The following FAM120AOS variants were observed in gnomAD, a reference collection of about 807,000 sequenced individuals.
The protein encoded by FAM120AOS is uncharacterized protein FAM120AOS.
In FAM120AOS, 15 loss-of-function variants were observed where a neutral mutation model predicts 20.2. The ratio of observed to expected loss-of-function variants is 0.74; its 90% CI spans 0.50 to 1.15. The LOEUF is 1.15. FAM120AOS is among the 50% of genes most tolerant of loss of function. The pLI is 0.00. For synonymous variants in FAM120AOS, 154 were observed against 154.0 expected (o/e 1.00, Z 0.00); for missense variants, 327 against 351.9 (o/e 0.93, Z 0.57).
Position 93,452,701 on chromosome 9 carries a change from T to A in FAM120AOS, c.9A>T (p.Lys3Asn). MG[K>N]TKDIGDDDTV... ...TGTCATCATCCCCAATATCCTTAGT[T>A]TTTCCCATCCTATTTGAGGCGGGCA... is the stretch of plus-strand genomic sequence containing the variant. Residue 3 changes from lysine to asparagine, a missense_variant, in exon 1 of 3, where the codon AAA (lysine) becomes AAT (asparagine). Around this residue, in one of 3 missense-constraint regions of FAM120AOS, gnomAD observed 155 missense variants for 128.8 expected, o/e 1.20. Transcript: ENST00000375412. This position sits in a 1 kb window ranked among gnomAD's most constrained non-coding sequence, Gnocchi z 7.0. The A allele has an allele frequency of 6.3e-7, 1 of 1,598,514 alleles. No homozygotes were observed. The highest frequency in any genetic ancestry group is 1.1e-5 in the South Asian group (1 of 91,078).
chr9:93,453,121 T>G lies in FAM120AOS; in HGVS notation c.-412A>C. ...GAAAGAGGTCTTTAAGGCAGTTCGG[T>G]TTTGTAGATCCCATGCGAAAGGAGT... On this transcript the variant is annotated 5_prime_UTR_variant, in exon 1 of 3. Coordinates refer to ENST00000375412, the MANE Select transcript of FAM120AOS (RefSeq NM_198841.4). 1 of 1,012,664 alleles carries G rather than the reference T, an allele frequency of 9.9e-7. No individual in the cohort carries two copies. Among genetic ancestry groups the G allele is most frequent in the Middle Eastern group, 4.9e-4 (1 of 2,048 alleles). 62.7% of individuals were successfully genotyped at this position (1,012,664 alleles called of 1,614,324 possible).
intron 2 of FAM120AOS, 100 bp from the exon 3 acceptor site, chr9:93,447,797 C>CT (rs1006595930): frequency 2.0e-6 from 2 of 1,012,000 alleles, no homozygotes; most frequent in Non-Finnish European, 3.0e-6. Flanking sequence ...CTGTGGAGCT[C>CT]TCCTACCCTC....
At chr9:93,451,440 G>A in intron 1 of FAM120AOS, 2 of 1,252,304 alleles carry the variant, frequency 1.6e-6, no homozygotes, top group East Asian at 3.7e-5. Flanking sequence ...ACCGGCCTGA[G>A]GCGGGCGAAC....
intron 2 of FAM120AOS, 55 bp downstream of exon 2, chr9:93,450,424 A>G (rs1164541997): frequency 1.5e-5 from 23 of 1,524,920 alleles, no homozygotes; most frequent in Non-Finnish European, 1.9e-5. Flanking sequence ...TACGTATGAT[A>G]CTGGCTTGCA....
Position 93,446,664 on chromosome 9 carries a change from G to C in FAM120AOS, c.*947C>G, listed in dbSNP as rs1375219331. ...TGTCAGTTTGTCCATTGATTCCATA[G>C]CAGCTCTCACTGCCCACCCTGCTTG... is the stretch of plus-strand genomic sequence containing the variant. On this transcript the variant is annotated 3_prime_UTR_variant, in exon 3 of 3. Transcript: ENST00000375412. The C allele has an allele frequency of 6.6e-6, 1 of 152,160 alleles. No individual in the cohort carries two copies. Among genetic ancestry groups the C allele is most frequent in the Non-Finnish European group, 1.5e-5 (1 of 68,064 alleles). 9.4% of individuals were successfully genotyped at this position (152,160 alleles called of 1,614,324 possible). A position where few individuals can be genotyped will look rare whatever the true frequency, so the allele number is the denominator to read the frequency against.
Position 93,447,703 on chromosome 9 carries a change from A to C in FAM120AOS, c.685-6T>G. ...ACAGAACAGCTTCTGGAAATCTGAA[A>C]AGAAAAAAAAAAAGGTAGTTTATAT... On this transcript the variant is annotated splice_region_variant and splice_polypyrimidine_tract_variant and intron_variant, in intron 2 of 2. Transcript: ENST00000375412. The C allele has an allele frequency of 8.1e-6, 13 of 1,601,630 alleles. No homozygotes were observed. Among genetic ancestry groups the C allele is most frequent in the Non-Finnish European group, 1.1e-5 (13 of 1,172,496 alleles).
Position 93,452,166 on chromosome 9 carries a change from C to T in FAM120AOS, c.544G>A (p.Ala182Thr). The change falls in exon 1 of 3, where the codon GCC becomes ACC. Residue 182 changes from alanine to threonine, a missense_variant. This residue lies in a region of FAM120AOS where 86 missense variants were observed against 140.2 expected (regional missense o/e 0.61). Coordinates refer to ENST00000375412, the MANE Select transcript of FAM120AOS (RefSeq NM_198841.4). This position sits in a 1 kb window ranked among gnomAD's most constrained non-coding sequence, Gnocchi z 7.0. ...GGCTACCTGGCGGCGCTGGCCAAGG[C>T]CTGCTTCGGCGGCAACATCGAGCTC... ...TKSSMLPPKQ[A>T]LASAARNLCR... The T allele has an allele frequency of 6.2e-7, 1 of 1,612,064 alleles. No homozygotes were observed. Among genetic ancestry groups the T allele is most frequent in the Non-Finnish European group, 8.5e-7 (1 of 1,179,828 alleles).
chr9:93,451,232 G>C, intron 1 of FAM120AOS: 1 of 1,523,716 alleles, frequency 6.6e-7, no homozygotes, highest in Non-Finnish European at 8.8e-7. Flanking sequence ...CGTTAGAAAG[G>C]CGGCGTCCCG....
chr9:93,453,598 TCCCAC>T, upstream of FAM120AOS: 2 of 985,284 alleles, frequency 2.0e-6, no homozygotes, highest in Non-Finnish European at 2.4e-6. Context: ...ATAGCGGAAG[TCCCAC>T]CCACGATCCG....
rs761713437 is a variant in FAM120AOS, at chr9:93,444,062, C to A, written c.*3549G>T. Among the ~76,000 whole-genome samples the A allele has an allele frequency of 1.6e-4, 25 of 152,204 alleles. No individual in the cohort carries two copies. Among genetic ancestry groups the A allele is most frequent in the African/African-American group, 5.8e-4 (24 of 41,522 alleles). ...TTGTTTTTGTTTTTGTTTTTTGAGACGGAGTTTTGCTCTTGCTGTCCAGGC... is the reference window on the plus strand; with the variant it reads ...TTGTTTTTGTTTTTGTTTTTTGAGAAGGAGTTTTGCTCTTGCTGTCCAGGC... On this transcript the variant is annotated 3_prime_UTR_variant, in exon 3 of 3. Coordinates refer to ENST00000375412, the MANE Select transcript of FAM120AOS (RefSeq NM_198841.4).
Position 93,452,661 on chromosome 9 carries a change from A to T in FAM120AOS, c.49T>A (p.Phe17Ile), listed in dbSNP as rs770036669. ...IGDDDTVASE[F>I]WSGALSQPSS... ...GGCTGGGAGAGAGCCCCGGACCAGA[A>T]TTCGGAGGCGACAGTGTCATCATCC... is the stretch of plus-strand genomic sequence containing the variant. The change falls in exon 1 of 3, where the codon TTC (phenylalanine) becomes ATC (isoleucine). Residue 17 changes from phenylalanine to isoleucine, a missense_variant. By Grantham distance (21) the Phe-to-Ile change is conservative. Coordinates refer to ENST00000375412, the MANE Select transcript of FAM120AOS (RefSeq NM_198841.4). The surrounding 1 kb of genome is among the most constrained non-coding windows in gnomAD (Gnocchi z 7.0). 1.3e-6 allele frequency: 2 copies of T among 1,598,974 alleles called. No individual in the cohort carries two copies. Among genetic ancestry groups the T allele is most frequent in the Admixed American group, 3.3e-5 (2 of 60,026 alleles).
At chr9:93,448,688 G>A (rs1856951678) in intron 2 of FAM120AOS, among the ~76,000 whole-genome samples, 1 of 152,004 alleles carries the variant, frequency 6.6e-6, no homozygotes, top group Admixed American at 6.5e-5. Flanking sequence ...CGTGATCTCG[G>A]CTCACTGCAA....
chr9:93,451,670 AGCCTCGGCCTCG>A (rs1171545170), intron 1 of FAM120AOS: 362 of 960,880 alleles, frequency 3.8e-4, no homozygotes, highest in Admixed American at 2.1e-3. Context: ...CCCGGCCCTC[AGCCTCGGCCTCG>A]GCCTCGGCCT....
At chr9:93,450,624 G>A (rs968040242) in intron 1 of FAM120AOS, 25 bp from the exon 2 acceptor site, 17 of 1,608,642 alleles carry the variant, frequency 1.1e-5, no homozygotes, top group Non-Finnish European at 1.4e-5. Context: ...CAAATGGAGA[G>A]ATGAAGGTAA....
Position 93,453,394 on chromosome 9 carries a change from T to C in FAM120AOS, c.-685A>G, listed in dbSNP as rs1184108425. ...ATGATCCTGGACTTCACGTTCTGAT[T>C]GCTTGCTTTTTTCATTGGTTTTCTT... On this transcript the variant is annotated 5_prime_UTR_variant, in exon 1 of 3. Coordinates refer to ENST00000375412, the MANE Select transcript of FAM120AOS (RefSeq NM_198841.4). 1.0e-6 allele frequency: 1 copy of C among 985,486 alleles called. No individual in the cohort carries two copies. The highest frequency in any genetic ancestry group is 1.2e-6 in the Non-Finnish European group (1 of 829,962). The allele number at this position is 985,486 out of a possible 1,614,324, so 61.0% of individuals were successfully genotyped here.
In FAM120AOS at chr9:93,453,118, C is replaced by A; in HGVS notation, c.-409G>T. ...TGTGAAAGAGGTCTTTAAGGCAGTTCGGTTTTGTAGATCCCATGCGAAAGG... is the reference window on the plus strand; with the variant it reads ...TGTGAAAGAGGTCTTTAAGGCAGTTAGGTTTTGTAGATCCCATGCGAAAGG... On this transcript the variant is annotated 5_prime_UTR_variant, in exon 1 of 3. Coordinates refer to ENST00000375412, the MANE Select transcript of FAM120AOS (RefSeq NM_198841.4). The A allele has an allele frequency of 9.8e-7, 1 of 1,015,468 alleles. No individual in the cohort carries two copies. The highest frequency in any genetic ancestry group is 1.2e-6 in the Non-Finnish European group (1 of 849,802). 62.9% of individuals were successfully genotyped at this position (1,015,468 alleles called of 1,614,324 possible).
At chr9:93,450,770 C>T (rs1857114300) in intron 1 of FAM120AOS, 171 bp from the exon 2 acceptor site, 3 of 1,138,120 alleles carry the variant, frequency 2.6e-6, no homozygotes, top group Non-Finnish European at 3.9e-6. Context: ...GAAGCAGTTA[C>T]GACAGAGCTT....
rs965928984 is a variant in FAM120AOS, at chr9:93,446,272, T to G, written c.*1339A>C. ...TGTGTGCTCCCACCTATATCTGAGG[T>G]CCTAGACTCCTCAGAGGAAGTCAGC... On this transcript the variant is annotated 3_prime_UTR_variant, in exon 3 of 3. Coordinates refer to ENST00000375412, the MANE Select transcript of FAM120AOS (RefSeq NM_198841.4). Among the ~76,000 whole-genome samples the G allele has an allele frequency of 6.6e-6, 1 of 152,170 alleles. No homozygotes were observed. The highest frequency in any genetic ancestry group is 1.5e-5 in the Non-Finnish European group (1 of 68,034).
rs779280624 is a variant in FAM120AOS at position 93,450,695 on chromosome 9, CATT to C, written c.564-99_564-97del. On this transcript the variant is annotated intron_variant, in intron 1 of 2. Transcript: ENST00000375412. ...GTTTCTAAATTTATATTCTGAAAGACATTAATCTCTTTTTGAAAATGTTTTATG... is the reference window on the plus strand; with the variant it reads ...GTTTCTAAATTTATATTCTGAAAGACAATCTCTTTTTGAAAATGTTTTATG... The C allele has an allele frequency of 2.1e-5, 32 of 1,527,928 alleles. No individual in the cohort carries two copies. In the South Asian group the frequency reaches 3.4e-4, roughly 16 times the overall value. The allele number at this position is 1,527,928 out of a possible 1,614,324, so 94.6% of individuals were successfully genotyped here. A position where few individuals can be genotyped will look rare whatever the true frequency, so the allele number is the denominator to read the frequency against.
Sources: gnomAD v4.1 joint callset for allele counts (sites outside exome capture counted in the v4.1 genomes callset) on GRCh38, gnomAD v4.1.1 for gene constraint, gnomAD v4.1.1 regional missense constraint, Gnocchi (gnomAD v3.1) non-coding constraint, MANE v1.5 for transcripts, NCBI Gene and HGNC (gene_info 2026-07-23, HGNC 2026-07-21) for gene names.